BCS1L: variants seen among roughly 807,000 people sequenced by gnomAD.
BCS1L encodes the protein mitochondrial chaperone BCS1.
A neutral mutation model predicts 49.3 loss-of-function variants in BCS1L; 38 were observed. The ratio of observed to expected loss-of-function variants is 0.77; its 90% CI spans 0.59 to 1.01. The LOEUF is 1.01. Among genes scored for constraint, BCS1L ranks in the 50% least tolerant of loss-of-function variants. BCS1L has a pLI of 0.00. For missense variants in BCS1L, 394 were observed against 540.2 expected (o/e 0.73, Z 2.68); for synonymous variants, 193 against 210.1 (o/e 0.92, Z 0.70).
Position 218,663,335 on chromosome 2 carries a change from T to G in BCS1L, c.1209T>G (p.Tyr403Ter). Residue 403 changes from tyrosine to a stop codon, truncating the protein, a stop_gained, in exon 8 of 8, where the codon TAT becomes TAG. Coordinates refer to ENST00000359273, the MANE Select transcript of BCS1L (RefSeq NM_001079866.2). LOFTEE classifies it high-confidence loss of function. ...PAQVQGYFML[Y>*]KNDPVGAIHN... Reference sequence around the variant, plus strand: ...AGGTGCAGGGCTACTTCATGCTGTATAAAAATGACCCTGTAGGGGCAATTC... The same window carrying G: ...AGGTGCAGGGCTACTTCATGCTGTAGAAAAATGACCCTGTAGGGGCAATTC... The G allele has an allele frequency of 6.2e-7, 1 of 1,614,154 alleles. No individual in the cohort carries two copies. The highest frequency in any genetic ancestry group is 8.5e-7 in the Non-Finnish European group (1 of 1,180,022).
At position 218,662,061 on chromosome 2, in the gene BCS1L, G is replaced by A. The variant is rs1939520725; in HGVS notation, c.655+108G>A. The A allele has an allele frequency of 6.7e-7, 1 of 1,488,872 alleles. No homozygotes were observed. The highest frequency in any genetic ancestry group is 1.7e-5 in the Admixed American group (1 of 59,032). The allele number at this position is 1,488,872 out of a possible 1,614,324, so 92.2% of individuals were successfully genotyped here. On this transcript the variant is annotated intron_variant, in intron 4 of 7. Transcript: ENST00000359273. The surrounding 1 kb of genome is among the most constrained non-coding windows in gnomAD (Gnocchi z 5.8). ...ATAAAGCTCTAGTCCAATTCCCAGAGATTAAGAGGAATGAAAAGTTGTGTA... is the reference window on the plus strand; with the variant it reads ...ATAAAGCTCTAGTCCAATTCCCAGAAATTAAGAGGAATGAAAAGTTGTGTA...
rs780259966 is a variant in BCS1L at position 218,662,564 on chromosome 2, C to T, written c.774C>T (p.Asp258=). Residue 258 remains aspartate, a synonymous_variant, in exon 6 of 8, where the codon GAC becomes GAT. Coordinates refer to ENST00000359273, the MANE Select transcript of BCS1L (RefSeq NM_001079866.2). The surrounding 1 kb of genome is among the most constrained non-coding windows in gnomAD (Gnocchi z 5.8). ...GCATCTGCCTGCTGAGCCTCACGGA[C>T]TCCAGCCTCTCTGATGACCGACTCA... ...EHSICLLSLT[D]SSLSDDRLNH... 1 of 1,614,188 alleles carries T rather than the reference C, an allele frequency of 6.2e-7. No individual in the cohort carries two copies. The highest frequency in any genetic ancestry group is 1.7e-5 in the Admixed American group (1 of 60,024).
chr2:218,661,935 A>C lies in BCS1L; in HGVS notation c.637A>C (p.Lys213Gln). The C allele has an allele frequency of 6.2e-7, 1 of 1,614,078 alleles. No homozygotes were observed. Among genetic ancestry groups the C allele is most frequent in the Admixed American group, 1.7e-5 (1 of 59,996 alleles). The change falls in exon 4 of 8, where the codon AAG becomes CAG. Residue 213 changes from lysine to glutamine, a missense_variant. By Grantham distance (53) the Lys-to-Gln change is moderately conservative. Transcript: ENST00000359273. The surrounding 1 kb of genome is among the most constrained non-coding windows in gnomAD (Gnocchi z 5.9). ...CGTCCAGGAATTCATCGATAACCCC[A>C]AGTGGTACACTGACAGAGGTGAGAA... ...RDVQEFIDNP[K>Q]WYTDRGIPYR...
chr2:218,663,394 G>A lies in BCS1L; in HGVS notation c.*8G>A. 1 of 1,613,878 alleles carries A rather than the reference G, an allele frequency of 6.2e-7. No individual in the cohort carries two copies. The highest frequency in any genetic ancestry group is 8.5e-7 in the Non-Finnish European group (1 of 1,180,024). On this transcript the variant is annotated 3_prime_UTR_variant, in exon 8 of 8. Coordinates refer to ENST00000359273, the MANE Select transcript of BCS1L (RefSeq NM_001079866.2). Reference sequence around the variant, plus strand: ...GAGTCTCTGAGGAGGTGATCAGGCTGGGCTCAGCTCAGCTCTCCTCCTCTA... The same window carrying A: ...GAGTCTCTGAGGAGGTGATCAGGCTAGGCTCAGCTCAGCTCTCCTCCTCTA...
rs532199775 is a variant in BCS1L at position 218,661,744 on chromosome 2, T to C, written c.461-15T>C. 1 of 1,607,522 alleles carries C rather than the reference T, an allele frequency of 6.2e-7. No individual in the cohort carries two copies. The highest frequency in any genetic ancestry group is 8.5e-7 in the Non-Finnish European group (1 of 1,175,120). On this transcript the variant is annotated splice_polypyrimidine_tract_variant and intron_variant, in intron 3 of 7. Transcript: ENST00000359273. This position sits in a 1 kb window ranked among gnomAD's most constrained non-coding sequence, Gnocchi z 5.9. ...GAAGAGAATTATTGGCTTTATCTCA[T>C]CTTCTCCTTCCCAGCTCGAGAGCTA...
chr2:218,663,227 G>C lies in BCS1L; in HGVS notation c.1101G>C (p.Arg367Ser). The C allele has an allele frequency of 6.2e-7, 1 of 1,614,216 alleles. No individual in the cohort carries two copies. The highest frequency in any genetic ancestry group is 2.2e-5 in the East Asian group (1 of 44,878). The change falls in exon 8 of 8, where the codon AGG becomes AGC. Residue 367 changes from arginine (R) to serine (S), a missense_variant. Arg to Ser is a moderately radical substitution (Grantham distance 110). Coordinates refer to ENST00000359273, the MANE Select transcript of BCS1L (RefSeq NM_001079866.2). The part of the protein sequence containing the change: ...SHWQLTQMFQ[R>S]FYPGQAPSLA... The stretch of plus-strand genomic sequence containing the variant: ...GGCAGCTGACCCAGATGTTCCAGAG[G>C]TTCTATCCAGGGCAGGCACCTTCCT...
Position 218,661,859 on chromosome 2 carries a change from A to G in BCS1L, c.561A>G (p.Pro187=), listed in dbSNP as rs772279247. 4 of 1,614,198 alleles carry G rather than the reference A, an allele frequency of 2.5e-6. No individual in the cohort carries two copies. Among genetic ancestry groups the G allele is most frequent in the South Asian group, 2.2e-5 (2 of 91,080 alleles). The change falls in exon 4 of 8, where the codon CCA becomes CCG. Residue 187 remains proline (P), a synonymous_variant. Transcript: ENST00000359273. The surrounding 1 kb of genome is among the most constrained non-coding windows in gnomAD (Gnocchi z 5.9). ...RPFGYPRRRR[P]LNSVVLQQGL... is the part of the protein sequence containing the mutation. Reference sequence around the variant, plus strand: ...TTGGCTATCCACGCCGCCGGCGACCACTGAATTCTGTGGTTCTACAACAGG... The same window carrying G: ...TTGGCTATCCACGCCGCCGGCGACCGCTGAATTCTGTGGTTCTACAACAGG...
At chr2:218,659,145 T>A (rs1938989800), upstream of BCS1L, 1 of 152,194 alleles carries the variant, frequency 6.6e-6, no homozygotes, top group South Asian at 2.1e-4. The surrounding 1 kb of genome is among the most constrained non-coding windows in gnomAD (Gnocchi z 4.4). Context: ...GGATGGAGCA[T>A]CGTCATGATT....
In BCS1L at chr2:218,662,836, T is replaced by C. The variant is rs1444968584; in HGVS notation, c.890-47T>C. On this transcript the variant is annotated intron_variant, in intron 6 of 7. Transcript: ENST00000359273. The surrounding 1 kb of genome is among the most constrained non-coding windows in gnomAD (Gnocchi z 5.8). ...AACATAGTGGGGCATGCTAATTTTA[T>C]GCTGGGCTATGACTACTCATGCTTC... 5.6e-6 allele frequency: 9 copies of C among 1,598,218 alleles called. No individual in the cohort carries two copies. In the Admixed American group the frequency reaches 8.3e-5, roughly 15 times the overall value.
In BCS1L at chr2:218,662,145, T is replaced by C; in HGVS notation, c.656-52T>C. On this transcript the variant is annotated intron_variant, in intron 4 of 7. Transcript: ENST00000359273. The surrounding 1 kb of genome is among the most constrained non-coding windows in gnomAD (Gnocchi z 5.8). ...GGCTTCCAGGGGGCAGGGCTGGGAATGAACGTAGATATCCGGGGCAAAAGA... is the reference window on the plus strand; with the variant it reads ...GGCTTCCAGGGGGCAGGGCTGGGAACGAACGTAGATATCCGGGGCAAAAGA... 6.3e-7 allele frequency: 1 copy of C among 1,582,154 alleles called. No individual in the cohort carries two copies. Among genetic ancestry groups the C allele is most frequent in the Non-Finnish European group, 8.7e-7 (1 of 1,151,118 alleles).
chr2:218,660,879 C>T, intron 1 of BCS1L, 60 bp from the exon 2 acceptor site: 7 of 1,255,184 alleles, frequency 5.6e-6, no homozygotes, highest in Non-Finnish European at 8.0e-6. Context: ...GTGGCCAGGG[C>T]TGGGGAGGTC....
At chr2:218,660,629 T>G (rs548778836) in intron 1 of BCS1L, 2 of 260,054 alleles carry the variant, frequency 7.7e-6, no homozygotes, top group Non-Finnish European at 7.5e-6. Context: ...CCCCTTTTTA[T>G]CATAGCTGGT....
chr2:218,662,719 T>C lies in BCS1L; in HGVS notation c.889+40T>C. On this transcript the variant is annotated intron_variant, in intron 6 of 7. Transcript: ENST00000359273. This position sits in a 1 kb window ranked among gnomAD's most constrained non-coding sequence, Gnocchi z 5.8. ...CTGGAGGAAGTGGAGTGGGTAACTG[T>C]GGAACAGGGGAAGAAAGCAGAAATC... 6.2e-7 allele frequency: 1 copy of C among 1,613,436 alleles called. No homozygotes were observed. The highest frequency in any genetic ancestry group is 8.5e-7 in the Non-Finnish European group (1 of 1,179,822).
rs1182793834 is a variant in BCS1L at position 218,661,986 on chromosome 2, T to C, written c.655+33T>C. 2 of 1,607,692 alleles carry C rather than the reference T, an allele frequency of 1.2e-6. No homozygotes were observed. The highest frequency in any genetic ancestry group is 8.5e-7 in the Non-Finnish European group (1 of 1,175,704). On this transcript the variant is annotated intron_variant, in intron 4 of 7. Transcript: ENST00000359273. This position sits in a 1 kb window ranked among gnomAD's most constrained non-coding sequence, Gnocchi z 5.9. The stretch of plus-strand genomic sequence containing the variant: ...GCAGCTGGGGTCTTGGCTGTGCTGT[T>C]TTTGACATTTTTAGAAGGGACAGGT...
rs776055199 is a variant in BCS1L, at chr2:218,661,302, T to C, written c.315T>C (p.Phe105=). Residue 105 remains phenylalanine (F), a synonymous_variant, in exon 2 of 8, where the codon TTT becomes TTC. Transcript: ENST00000359273. This position sits in a 1 kb window ranked among gnomAD's most constrained non-coding sequence, Gnocchi z 5.9. ...TTGTCCCCAGCCCTGGAAACCATTT[T>C]ATCTGGTAAGGTGGGGAGCTAGGGA... is the stretch of plus-strand genomic sequence containing the variant. ...FEFVPSPGNH[F]IWYRGKWIRV... 2 of 1,614,200 alleles carry C rather than the reference T, an allele frequency of 1.2e-6. No individual in the cohort carries two copies. Among genetic ancestry groups the C allele is most frequent in the South Asian group, 1.1e-5 (1 of 91,082 alleles).
chr2:218,660,789 C>G (rs1312942362), intron 1 of BCS1L, 150 bp from the exon 2 acceptor site: 2 of 607,570 alleles, frequency 3.3e-6, no homozygotes, highest in Non-Finnish European at 5.8e-6. Flanking sequence ...GATGAGGGAC[C>G]TGGAGCCTCC....
chr2:218,662,313 A>C lies in BCS1L; in HGVS notation c.719+53A>C. Reference sequence around the variant, plus strand: ...GGCAAAACGAAGCCTTTGTGGAAACACTAGGCTGATAGGGTTGGAAGGGGA... The same window carrying C: ...GGCAAAACGAAGCCTTTGTGGAAACCCTAGGCTGATAGGGTTGGAAGGGGA... On this transcript the variant is annotated intron_variant, in intron 5 of 7. Transcript: ENST00000359273. This position sits in a 1 kb window ranked among gnomAD's most constrained non-coding sequence, Gnocchi z 5.8. 2.6e-6 allele frequency: 4 copies of C among 1,559,484 alleles called. No homozygotes were observed. The highest frequency in any genetic ancestry group is 3.5e-6 in the Non-Finnish European group (4 of 1,130,392).
upstream of BCS1L, chr2:218,659,651 T>C (rs1575100049): frequency 6.7e-6 from 1 of 149,884 alleles, no homozygotes; most frequent in South Asian, 2.1e-4. This position sits in a 1 kb window ranked among gnomAD's most constrained non-coding sequence, Gnocchi z 4.4. Flanking sequence ...TGGCGGGAAG[T>C]AGATGAAAGG....
chr2:218,661,157 A>G lies in BCS1L; in HGVS notation c.170A>G (p.Asp57Gly), dbSNP rs368035069. 26 of 1,614,058 alleles carry G rather than the reference A, an allele frequency of 1.6e-5. No individual in the cohort carries two copies. The highest frequency in any genetic ancestry group is 2.2e-5 in the Non-Finnish European group (26 of 1,180,024). ...YMITLEVPAR[D>G]RSYAWLLSWL... is the part of the protein sequence containing the mutation. The stretch of plus-strand genomic sequence containing the variant: ...ATCACACTGGAAGTCCCTGCTCGAG[A>G]CAGGAGCTATGCCTGGTTGCTTAGC... Residue 57 changes from aspartate to glycine, a missense_variant, in exon 2 of 8, where the codon GAC becomes GGC. Physicochemically the swap from Asp to Gly is moderately conservative, Grantham distance 94. Transcript: ENST00000359273. This position sits in a 1 kb window ranked among gnomAD's most constrained non-coding sequence, Gnocchi z 5.9.
Sources: gnomAD v4.1 joint callset for allele counts on GRCh38, gnomAD v4.1.1 for gene constraint, Gnocchi (gnomAD v3.1) non-coding constraint, MANE v1.5 for transcripts, NCBI Gene and HGNC (gene_info 2026-07-23, HGNC 2026-07-21) for gene names.